Variants in SNX29 observed in about 807,000 individuals in gnomAD.
SNX29 encodes the protein sorting nexin 29.
In SNX29, 78 loss-of-function variants were observed where a neutral mutation model predicts 102.1. The ratio of observed to expected loss-of-function variants is 0.76; its 90% confidence interval spans 0.64 to 0.92. The LOEUF (loss-of-function observed/expected upper bound fraction) is 0.92, where lower values mean the gene tolerates loss of function less well. Among genes scored for constraint, SNX29 ranks in the 40% least tolerant of loss-of-function variants. The pLI is 0.00. For missense variants in SNX29, 1,280 were observed against 1,061.7 expected (o/e 1.21, Z -2.86); for synonymous variants, 580 against 414.5 (o/e 1.40, Z -4.85).
rs534766685 is a variant in SNX29, at chr16:12,127,709, A to C, written c.1466+1013A>C. Among the ~76,000 whole-genome samples the C allele has an allele frequency of 2.6e-5, 4 of 152,326 alleles. No individual in the cohort carries two copies. In the East Asian group the frequency reaches 5.8e-4, roughly 22 times the overall value. On this transcript the variant is annotated intron_variant, in intron 12 of 20. Coordinates refer to ENST00000566228, the MANE Select transcript of SNX29 (RefSeq NM_032167.5). The stretch of plus-strand genomic sequence containing the variant: ...AGTGCTAAGATTATAGACGTGAGCC[A>C]CTGTGCCTGGCCTCTAGGCAGCTGT...
At chr16:12,531,043 G>T (rs1338858719) in intron 20 of SNX29, among the ~76,000 whole-genome samples, 2 of 152,224 alleles carry the variant, frequency 1.3e-5, no homozygotes, top group Non-Finnish European at 2.9e-5. Context: ...AGAGCTACAG[G>T]CTTGATGTGT....
chr16:12,444,728 C>A (rs1311210465), intron 18 of SNX29, among the ~76,000 whole-genome samples: 1 of 152,156 alleles, frequency 6.6e-6, no homozygotes, highest in Non-Finnish European at 1.5e-5. Flanking sequence ...CCTTGTAGGC[C>A]CCACCCCATT....
intron 14 of SNX29, among the ~76,000 whole-genome samples, chr16:12,258,070 G>T (rs1005054177): frequency 1.3e-5 from 2 of 151,996 alleles, no homozygotes; most frequent in Non-Finnish European, 2.9e-5. Context: ...TTCCATCCTG[G>T]CTCCTGTGCA....
intron 19 of SNX29, among the ~76,000 whole-genome samples, chr16:12,517,971 A>G (rs1054138364): frequency 2.6e-5 from 4 of 152,176 alleles, no homozygotes; most frequent in Admixed American, 6.5e-5. Context: ...GGCTGCTAAC[A>G]TATTACAATG....
chr16:12,066,796 G>A (rs1392886711), intron 9 of SNX29, among the ~76,000 whole-genome samples: 4 of 151,898 alleles, frequency 2.6e-5, no homozygotes, highest in African/African-American at 4.8e-5. Context: ...AGTTGACCAG[G>A]TGGGAGGATG....
chr16:12,256,473 G>A (rs1190428186), intron 14 of SNX29, among the ~76,000 whole-genome samples: 6 of 152,072 alleles, frequency 3.9e-5, no homozygotes, highest in Admixed American at 6.6e-5. Flanking sequence ...AATTACAGGC[G>A]TGTACCATCA....
intron 11 of SNX29, among the ~76,000 whole-genome samples, chr16:12,103,450 C>A (rs1396932600): frequency 6.6e-6 from 1 of 152,124 alleles, no homozygotes; most frequent in Non-Finnish European, 1.5e-5. Context: ...GAAAGGATTC[C>A]CTATTTAATA....
At chr16:12,303,191 G>GT (rs5815680) in intron 15 of SNX29, among the ~76,000 whole-genome samples, 49 of 151,918 alleles carry the variant, frequency 3.2e-4, no homozygotes, top group Non-Finnish European at 1.9e-4. Context: ...AGTTGCTTTT[G>GT]TTTTTTTTAA....
intron 19 of SNX29, 30 bp from the exon 20 acceptor site, chr16:12,524,672 C>T (rs780541260): frequency 3.1e-6 from 5 of 1,608,558 alleles, no homozygotes; most frequent in Non-Finnish European, 4.2e-6. Context: ...GGAAGACGTA[C>T]CAAAGCGAAG....
intron 15 of SNX29, among the ~76,000 whole-genome samples, chr16:12,325,330 G>A (rs142590936): frequency 0.015 from 2,288 of 152,286 alleles, 21 homozygotes; most frequent in Middle Eastern, 0.027. Flanking sequence ...CTAAGAGGAA[G>A]GATTGAAAAG....
intron 15 of SNX29, among the ~76,000 whole-genome samples, chr16:12,299,739 A>G (rs1053764211): frequency 1.4e-5 from 2 of 141,468 alleles, no homozygotes; most frequent in Admixed American, 7.0e-5. Context: ...TTAGTAGACT[A>G]TATATTATGA....
At chr16:12,047,262 G>A (rs1041546798) in intron 6 of SNX29, among the ~76,000 whole-genome samples, 4 of 152,140 alleles carry the variant, frequency 2.6e-5, no homozygotes, top group East Asian at 1.9e-4. Context: ...TACGTTGTTC[G>A]CCCTTTGACT....
chr16:12,192,545 T>A (rs988007480), intron 13 of SNX29, among the ~76,000 whole-genome samples: 9 of 152,172 alleles, frequency 5.9e-5, no homozygotes, highest in Non-Finnish European at 1.3e-4. Context: ...GCAGTCTCAC[T>A]CTGTTGCCCA....
At chr16:12,071,512 C>G (rs531049735) in intron 10 of SNX29, among the ~76,000 whole-genome samples, 37 of 152,274 alleles carry the variant, frequency 2.4e-4, no homozygotes, top group South Asian at 8.3e-4. Context: ...GGGCTCTGTT[C>G]TGTTCCATTG....
intron 20 of SNX29, 103 bp downstream of exon 20, chr16:12,524,944 A>C: frequency 6.7e-7 from 1 of 1,497,542 alleles, no homozygotes; most frequent in Non-Finnish European, 9.0e-7. Context: ...TGATGCCCTG[A>C]TCGCCATGGG....
At chr16:12,481,752 C>T (rs1221943939) in intron 19 of SNX29, among the ~76,000 whole-genome samples, 2 of 152,182 alleles carry the variant, frequency 1.3e-5, no homozygotes, top group African/African-American at 2.4e-5. Flanking sequence ...CCAGGCTGTT[C>T]TCAAACTCCT....
intron 14 of SNX29, among the ~76,000 whole-genome samples, chr16:12,268,274 C>G (rs138835603): frequency 8.5e-5 from 13 of 152,346 alleles, no homozygotes; most frequent in South Asian, 4.1e-4. Context: ...ACTTTTACCC[C>G]CCTTGATACA....
intron 19 of SNX29, among the ~76,000 whole-genome samples, chr16:12,486,486 A>G (rs1468261309): frequency 6.6e-6 from 1 of 152,154 alleles, no homozygotes; most frequent in Non-Finnish European, 1.5e-5. Context: ...CCACTTTACA[A>G]ATGGGGCAGC....
At chr16:12,110,395 G>T (rs992289696) in intron 11 of SNX29, among the ~76,000 whole-genome samples, 2 of 152,182 alleles carry the variant, frequency 1.3e-5, no homozygotes, top group Non-Finnish European at 2.9e-5. Context: ...ACTTAGAACA[G>T]ACTTTTTCCT....
Sources: allele counts gnomAD v4.1 joint callset (sites outside exome capture counted in the v4.1 genomes callset), GRCh38; gene constraint gnomAD v4.1.1; transcripts MANE v1.5; gene names NCBI Gene and HGNC (gene_info 2026-07-23, HGNC 2026-07-21).